Variants in PHF24 observed in about 807,000 individuals in gnomAD.
PHF24 encodes Galpha inhibitory interacting protein.
A neutral mutation model predicts 42.6 loss-of-function variants in PHF24; 25 were observed. That is an observed-to-expected ratio of 0.59 (90% CI 0.43 to 0.82). The LOEUF (loss-of-function observed/expected upper bound fraction) is 0.82, where lower values mean the gene tolerates loss of function less well. Ranked by LOEUF, PHF24 falls within the 40% of genes least tolerant of loss-of-function variation. The pLI is 0.00. For missense variants in PHF24, 470 were observed against 538.1 expected (o/e 0.87, Z 1.25); for synonymous variants, 185 against 204.8 (o/e 0.90, Z 0.83).
At chr9:34,918,806 G>A in the PHF24 span, among the ~76,000 whole-genome samples, 10 of 151,940 alleles carry the variant, frequency 6.6e-5, no homozygotes, top group African/African-American at 9.7e-5. Flanking sequence ...AGTTTTCCCC[G>A]TTGATTATTA....
chr9:34,937,830 T>A, the PHF24 span, among the ~76,000 whole-genome samples: 1 of 152,210 alleles, frequency 6.6e-6, no homozygotes, highest in African/African-American at 2.4e-5. Context: ...GACTTCCAAG[T>A]CATGTTGTCT....
At chr9:34,828,057 T>C in the PHF24 span, among the ~76,000 whole-genome samples, 2 of 151,798 alleles carry the variant, frequency 1.3e-5, no homozygotes, top group South Asian at 2.1e-4. Context: ...TAATAAAAAG[T>C]TTCCGTAGTA....
At chr9:34,971,950 A>ATAG (rs1206679506) in intron 2 of PHF24, among the ~76,000 whole-genome samples, 1 of 152,066 alleles carries the variant, frequency 6.6e-6, no homozygotes, top group Non-Finnish European at 1.5e-5. Flanking sequence ...TCAACCATGG[A>ATAG]TAGTACTACA....
At chr9:34,830,634 C>T in the PHF24 span, among the ~76,000 whole-genome samples, 1 of 152,120 alleles carries the variant, frequency 6.6e-6, no homozygotes, top group Non-Finnish European at 1.5e-5. Context: ...GGATCACTCA[C>T]CCAGTGATGG....
the PHF24 span, among the ~76,000 whole-genome samples, chr9:34,920,077 AG>A: frequency 1.3e-5 from 2 of 152,170 alleles, no homozygotes; most frequent in South Asian, 4.1e-4. Context: ...TACCTAGCAA[AG>A]GGATGGCTGA....
the PHF24 span, among the ~76,000 whole-genome samples, chr9:34,674,590 G>A: frequency 6.6e-6 from 1 of 152,284 alleles, no homozygotes; most frequent in African/African-American, 2.4e-5. Context: ...GAAACAGGTG[G>A]CAGGCTGCAT....
chr9:34,787,057 C>T, the PHF24 span, among the ~76,000 whole-genome samples: 50 of 151,944 alleles, frequency 3.3e-4, no homozygotes, highest in Non-Finnish European at 6.8e-4. Flanking sequence ...ACCTCCAGAG[C>T]AAAATCAAGA....
At chr9:34,780,564 C>T in the PHF24 span, among the ~76,000 whole-genome samples, 5 of 151,990 alleles carry the variant, frequency 3.3e-5, no homozygotes, top group African/African-American at 9.7e-5. Flanking sequence ...GGATTATAAG[C>T]GTGAGCCACT....
At chr9:34,922,731 C>G in the PHF24 span, 3 of 1,581,244 alleles carry the variant, frequency 1.9e-6, no homozygotes, top group Non-Finnish European at 2.6e-6. Flanking sequence ...TTGTTCAATA[C>G]TTGAGACGAT....
chr9:34,925,328 A>G, the PHF24 span, among the ~76,000 whole-genome samples: 1 of 152,180 alleles, frequency 6.6e-6, no homozygotes, highest in Non-Finnish European at 1.5e-5. Context: ...TGTTCCTCAG[A>G]GAGAACCTGT....
the PHF24 span, among the ~76,000 whole-genome samples, chr9:34,859,314 C>G: frequency 6.6e-6 from 1 of 152,160 alleles, no homozygotes; most frequent in East Asian, 1.9e-4. Context: ...CTAAACATCC[C>G]CTAGAATGTT....
the PHF24 span, among the ~76,000 whole-genome samples, chr9:34,780,187 A>G: frequency 1.3e-5 from 2 of 152,166 alleles, no homozygotes; most frequent in East Asian, 3.8e-4. Flanking sequence ...ACCTAAATTT[A>G]AAAGCTAAAA....
chr9:34,678,566 C>T, the PHF24 span, among the ~76,000 whole-genome samples: 1 of 152,038 alleles, frequency 6.6e-6, no homozygotes, highest in Non-Finnish European at 1.5e-5. Context: ...AACTTCTGAC[C>T]TCAAGTGATC....
chr9:34,942,445 G>A, the PHF24 span, among the ~76,000 whole-genome samples: 1 of 152,110 alleles, frequency 6.6e-6, no homozygotes. Context: ...ATCTTTTAGG[G>A]TGTCTCCCAC....
upstream of PHF24, among the ~76,000 whole-genome samples, chr9:34,953,987 G>A (rs1199320833): frequency 6.6e-6 from 1 of 151,998 alleles, no homozygotes; most frequent in African/African-American, 2.4e-5. The surrounding 1 kb of genome is among the most constrained non-coding windows in gnomAD (Gnocchi z 4.1). Flanking sequence ...TGTAAGCAAT[G>A]GAAACCCACA....
chr9:34,758,067 A>G, the PHF24 span, among the ~76,000 whole-genome samples: 90 of 152,296 alleles, frequency 5.9e-4, no homozygotes, highest in African/African-American at 2.0e-3. This position sits in a 1 kb window ranked among gnomAD's most constrained non-coding sequence, Gnocchi z 4.4. Context: ...CCAAGATGAC[A>G]TCGCAAGTCT....
chr9:34,679,664 G>T, the PHF24 span, among the ~76,000 whole-genome samples: 1 of 152,162 alleles, frequency 6.6e-6, no homozygotes, highest in Non-Finnish European at 1.5e-5. Flanking sequence ...GCAGTGAGCC[G>T]AGATCGCGGC....
the PHF24 span, among the ~76,000 whole-genome samples, chr9:34,855,472 G>A: frequency 2.0e-5 from 3 of 152,172 alleles, no homozygotes; most frequent in Non-Finnish European, 4.4e-5. Context: ...AGGCCTGGTG[G>A]TGACGAATTC....
chr9:34,711,068 T>G, the PHF24 span, among the ~76,000 whole-genome samples: 1 of 152,286 alleles, frequency 6.6e-6, no homozygotes, highest in East Asian at 1.9e-4. Flanking sequence ...TTCAATGGTA[T>G]ATAAACATTT....
Sources: allele counts gnomAD v4.1 joint callset (sites outside exome capture counted in the v4.1 genomes callset), GRCh38; gene constraint gnomAD v4.1.1; non-coding constraint Gnocchi (gnomAD v3.1); transcripts MANE v1.5; gene names NCBI Gene and HGNC (gene_info 2026-07-23, HGNC 2026-07-21).